GALNT13: variants seen among roughly 807,000 people sequenced by gnomAD.
GALNT13 encodes the protein UDP-GalNAc:polypeptide N-acetylgalactosaminyltransferase 13.
In GALNT13, 28 loss-of-function variants were observed where a neutral mutation model predicts 64.2. That is an observed-to-expected ratio of 0.44 (90% CI 0.32 to 0.60). GALNT13 has a LOEUF of 0.60. GALNT13 is among the 20% of genes least tolerant of loss of function. The probability of loss-of-function intolerance (pLI) is 0.05; values close to 1 mark genes in which losing one functional copy is unlikely to be tolerated. For synonymous variants in GALNT13, 214 were observed against 224.6 expected (o/e 0.95, Z 0.42); for missense variants, 577 against 669.8 (o/e 0.86, Z 1.53).
the GALNT13 span, among the ~76,000 whole-genome samples, chr2:153,790,728 T>TA: frequency 6.6e-6 from 1 of 152,130 alleles, no homozygotes. Context: ...AAAAGCTCCT[T>TA]AAAATGATAA....
chr2:153,789,185 A>G, the GALNT13 span, among the ~76,000 whole-genome samples: 2 of 152,302 alleles, frequency 1.3e-5, no homozygotes, highest in Non-Finnish European at 2.9e-5. Context: ...TCTAAAATTG[A>G]CCACACGCTG....
the GALNT13 span, among the ~76,000 whole-genome samples, chr2:153,395,967 G>C: frequency 6.6e-6 from 1 of 152,232 alleles, no homozygotes; most frequent in South Asian, 2.1e-4. Context: ...TTGTGGTCCA[G>C]ATGGTCTTTG....
the GALNT13 span, among the ~76,000 whole-genome samples, chr2:153,819,987 G>A: frequency 2.0e-4 from 31 of 152,252 alleles, 1 homozygote; most frequent in East Asian, 5.6e-3. Flanking sequence ...TCAAAGAAAA[G>A]GTTGAAAATC....
chr2:153,851,317 A>C, the GALNT13 span, among the ~76,000 whole-genome samples: 44 of 152,208 alleles, frequency 2.9e-4, no homozygotes, highest in African/African-American at 9.4e-4. Flanking sequence ...AAAAGTAGGC[A>C]AAATAAGAAT....
In GALNT13 at chr2:153,907,697, C is replaced by CTCCA. The variant is rs1489063157; in HGVS notation, c.-105+6691_-105+6694dup. Among the ~76,000 whole-genome samples the CTCCA allele has an allele frequency of 3.9e-5, 6 of 152,046 alleles. No homozygotes were observed. In the East Asian group the frequency reaches 1.2e-3, roughly 29 times the overall value. On this transcript the variant is annotated intron_variant, in intron 2 of 12. Transcript: ENST00000392825. ...GCCTTGGTTTGCTAAGGATGATGGC[C>CTCCA]TCCAGCTCCATCCATGTTACTGCAA... is the stretch of plus-strand genomic sequence containing the variant.
intron 10 of GALNT13, among the ~76,000 whole-genome samples, chr2:154,397,481 A>G (rs867573327): frequency 6.6e-6 from 1 of 152,224 alleles, no homozygotes; most frequent in African/African-American, 2.4e-5. Flanking sequence ...GGAAATAATT[A>G]TCAAGTAAAC....
At chr2:153,882,563 G>A (rs1369868922) in intron 1 of GALNT13, among the ~76,000 whole-genome samples, 1 of 151,576 alleles carries the variant, frequency 6.6e-6, no homozygotes, top group East Asian at 1.9e-4. Context: ...CTAAAGCAAA[G>A]TCTTTTAGTC....
chr2:153,892,644 G>A (rs1687629468), intron 1 of GALNT13, among the ~76,000 whole-genome samples: 1 of 151,884 alleles, frequency 6.6e-6, no homozygotes, highest in Non-Finnish European at 1.5e-5. Flanking sequence ...TACTGTTAAA[G>A]CTATTTCTTT....
chr2:153,557,603 A>G, the GALNT13 span, among the ~76,000 whole-genome samples: 1 of 152,270 alleles, frequency 6.6e-6, no homozygotes, highest in African/African-American at 2.4e-5. Context: ...CAATCTTTAT[A>G]TCTATTCAGC....
the GALNT13 span, among the ~76,000 whole-genome samples, chr2:153,527,157 C>T: frequency 6.6e-6 from 1 of 152,010 alleles, no homozygotes; most frequent in Non-Finnish European, 1.5e-5. Context: ...CCTTCCCAAA[C>T]CTACAGACAG....
the GALNT13 span, among the ~76,000 whole-genome samples, chr2:153,654,214 A>G: frequency 6.6e-6 from 1 of 152,160 alleles, no homozygotes; most frequent in Non-Finnish European, 1.5e-5. Context: ...AGTTTTTTCA[A>G]CAAATAATTG....
At chr2:153,979,229 T>C (rs1241861939) in intron 3 of GALNT13, among the ~76,000 whole-genome samples, 1 of 152,188 alleles carries the variant, frequency 6.6e-6, no homozygotes, top group African/African-American at 2.4e-5. Flanking sequence ...CCCAAATCAA[T>C]AGTGTTGTAC....
At chr2:154,366,230 T>C (rs1697354183) in intron 9 of GALNT13, among the ~76,000 whole-genome samples, 1 of 152,160 alleles carries the variant, frequency 6.6e-6, no homozygotes, top group African/African-American at 2.4e-5. Flanking sequence ...TAATCTGATA[T>C]TCAGATATTT....
the GALNT13 span, among the ~76,000 whole-genome samples, chr2:153,523,680 T>C: frequency 1.3e-5 from 2 of 152,352 alleles, no homozygotes; most frequent in Non-Finnish European, 2.9e-5. Flanking sequence ...GCAATCATGC[T>C]GTAATCACTT....
At chr2:153,820,266 C>T in the GALNT13 span, among the ~76,000 whole-genome samples, 1 of 152,144 alleles carries the variant, frequency 6.6e-6, no homozygotes, top group Admixed American at 6.5e-5. Flanking sequence ...AAATTATTGG[C>T]ATCCCTGGGA....
At chr2:154,248,215 G>A (rs569593564) in intron 7 of GALNT13, among the ~76,000 whole-genome samples, 12 of 152,142 alleles carry the variant, frequency 7.9e-5, no homozygotes, top group Admixed American at 5.2e-4. Flanking sequence ...TACATTGAAA[G>A]CCAAGTTGAA....
intron 3 of GALNT13, among the ~76,000 whole-genome samples, chr2:153,949,193 T>C (rs1000905509): frequency 6.6e-6 from 1 of 152,132 alleles, no homozygotes; most frequent in Non-Finnish European, 1.5e-5. Context: ...CTTGTGTAAG[T>C]ACATTCTATG....
At chr2:153,837,937 C>T in the GALNT13 span, among the ~76,000 whole-genome samples, 4 of 151,870 alleles carry the variant, frequency 2.6e-5, no homozygotes, top group South Asian at 8.3e-4. Context: ...TATTTATTAT[C>T]ATTTGACTTT....
chr2:153,569,526 TA>T, the GALNT13 span, among the ~76,000 whole-genome samples: 122 of 149,220 alleles, frequency 8.2e-4, 1 homozygote, highest in East Asian at 0.019. Context: ...CTTTTTTTTT[TA>T]AAAAAAATCT....
Sources: allele counts gnomAD v4.1 joint callset (sites outside exome capture counted in the v4.1 genomes callset), GRCh38; gene constraint gnomAD v4.1.1; transcripts MANE v1.5; gene names NCBI Gene and HGNC (gene_info 2026-07-23, HGNC 2026-07-21).